The following KCNQ1 variants were observed in gnomAD, a reference collection of about 807,000 sequenced individuals.
KCNQ1 encodes the protein potassium voltage-gated channel subfamily Q member 1.
KCNQ1 carries 49 observed loss-of-function variants against 72.4 expected under a neutral mutation model. The observed-to-expected ratio is 0.68, with a 90% CI of 0.54 to 0.86. The LOEUF is 0.86. Among genes scored for constraint, KCNQ1 ranks in the 40% least tolerant of loss-of-function variants. KCNQ1 has a pLI of 0.00. For missense variants in KCNQ1, 790 were observed against 945.1 expected (o/e 0.84, Z 2.15); for synonymous variants, 450 against 412.6 (o/e 1.09, Z -1.10).
Position 2,445,192 on chromosome 11 carries a change from A to G in KCNQ1, c.94A>G (p.Lys32Glu). ...CCGGCGGGGCAGCGCGGGCCTGGCC[A>G]AGAAGTGCCCCTTCTCGCTGGAGCT... Reference protein sequence around the residue: ...GARRGSAGLAKKCPFSLELAE... With the variant: ...GARRGSAGLAEKCPFSLELAE... The change falls in exon 1 of 16, where the codon AAG becomes GAG. Residue 32 changes from lysine (K) to glutamate (E), a missense_variant. This residue lies in a region of KCNQ1 where 294 missense variants were observed against 323.3 expected (regional missense o/e 0.91). Coordinates refer to ENST00000155840, the MANE Select transcript of KCNQ1 (RefSeq NM_000218.3). 8.7e-7 allele frequency: 1 copy of G among 1,148,850 alleles called. No homozygotes were observed. Among genetic ancestry groups the G allele is most frequent in the Non-Finnish European group, 1.1e-6 (1 of 930,098 alleles). 71.2% of individuals were successfully genotyped at this position (1,148,850 alleles called of 1,614,324 possible).
In KCNQ1 at chr11:2,783,519, C is replaced by T. The variant is rs1222564860; in HGVS notation, c.1794+5482C>T. Among the ~76,000 whole-genome samples the T allele has an allele frequency of 6.6e-6, 1 of 152,044 alleles. No individual in the cohort carries two copies. Among genetic ancestry groups the T allele is most frequent in the East Asian group, 1.9e-4 (1 of 5,198 alleles). On this transcript the variant is annotated intron_variant, in intron 15 of 15. Transcript: ENST00000155840. The surrounding 1 kb of genome is among the most constrained non-coding windows in gnomAD (Gnocchi z 5.2). ...ATTCTCATTGGAATGTTTTTATCTGCTTGATCTATTATTACTGAGAAGGCA... is the reference window on the plus strand; with the variant it reads ...ATTCTCATTGGAATGTTTTTATCTGTTTGATCTATTATTACTGAGAAGGCA...
At chr11:2,527,202 C>G (rs964950879) in intron 1 of KCNQ1, among the ~76,000 whole-genome samples, 3 of 152,124 alleles carry the variant, frequency 2.0e-5, no homozygotes, top group Non-Finnish European at 4.4e-5. Flanking sequence ...GGCTCGGCCT[C>G]GGGGCCTTGG....
chr11:2,679,800 A>G lies in KCNQ1; in HGVS notation c.1514+17719A>G, dbSNP rs1224576086. 2.5e-6 allele frequency: 1 copy of G among 398,532 alleles called. No individual in the cohort carries two copies. The highest frequency in any genetic ancestry group is 4.4e-6 in the Non-Finnish European group (1 of 226,074). The allele number at this position is 398,532 out of a possible 1,614,324, so 24.7% of individuals were successfully genotyped here. A position where few individuals can be genotyped will look rare whatever the true frequency, so the allele number is the denominator to read the frequency against. On this transcript the variant is annotated intron_variant, in intron 11 of 15. Transcript: ENST00000155840. This position sits in a 1 kb window ranked among gnomAD's most constrained non-coding sequence, Gnocchi z 4.8. ...GCCTGTTAGGCCAGTTGAGGGCTAG[A>G]GGAGCACAAGGGGCCAGACTGCTGC...
chr11:2,630,790 C>G (rs552703091), intron 10 of KCNQ1: 2 of 398,458 alleles, frequency 5.0e-6, no homozygotes, highest in South Asian at 2.5e-4. Context: ...ACTCCTTCAA[C>G]TTTTGTTTAC....
intron 10 of KCNQ1, among the ~76,000 whole-genome samples, chr11:2,597,393 A>G (rs138093103): frequency 4.6e-4 from 70 of 152,322 alleles, no homozygotes; most frequent in African/African-American, 1.5e-3. Flanking sequence ...GATTTCTGCA[A>G]TTGTTAAATA....
At position 2,843,347 on chromosome 11, in the gene KCNQ1, CG is replaced by C. The variant is rs770611369; in HGVS notation, c.1795-4419del. Among the ~76,000 whole-genome samples the C allele has an allele frequency of 3.6e-4, 55 of 152,336 alleles. No homozygotes were observed. In the East Asian group the frequency reaches 8.1e-3, roughly 22 times the overall value. On this transcript the variant is annotated intron_variant, in intron 15 of 15. Transcript: ENST00000155840. Reference sequence around the variant, plus strand: ...GCCTGGTATGAAACATTCTAGGTACCGCCCTGAGAGTGGCTTAGTAACTGCT... The same window carrying C: ...GCCTGGTATGAAACATTCTAGGTACCCCCTGAGAGTGGCTTAGTAACTGCT...
intron 11 of KCNQ1, chr11:2,662,688 G>T: frequency 2.5e-6 from 1 of 403,380 alleles, no homozygotes; most frequent in East Asian, 3.5e-5. Context: ...GTGCCCAGCG[G>T]TGACAGCCGT....
chr11:2,546,202 TC>T (rs1389259328), intron 2 of KCNQ1, among the ~76,000 whole-genome samples: 2 of 152,210 alleles, frequency 1.3e-5, no homozygotes, highest in African/African-American at 4.8e-5. Context: ...TAACTTCTTC[TC>T]TGGTGTATGC....
rs2133657041 is a variant in KCNQ1, at chr11:2,508,261, G to A, written c.387-19667G>A. On this transcript the variant is annotated intron_variant, in intron 1 of 15. Coordinates refer to ENST00000155840, the MANE Select transcript of KCNQ1 (RefSeq NM_000218.3). The surrounding 1 kb of genome is among the most constrained non-coding windows in gnomAD (Gnocchi z 6.2). ...GGTCACCAAGGGTCTTTGGGCTCCTGTGGGGACCATACTGGCTTGTCTGAC... is the reference window on the plus strand; with the variant it reads ...GGTCACCAAGGGTCTTTGGGCTCCTATGGGGACCATACTGGCTTGTCTGAC... Among the ~76,000 whole-genome samples the A allele has an allele frequency of 6.6e-6, 1 of 152,356 alleles. No homozygotes were observed. Among genetic ancestry groups the A allele is most frequent in the African/African-American group, 2.4e-5 (1 of 41,588 alleles).
intron 2 of KCNQ1, among the ~76,000 whole-genome samples, chr11:2,560,903 G>A (rs1329173038): frequency 6.6e-6 from 1 of 152,094 alleles, no homozygotes; most frequent in African/African-American, 2.4e-5. Context: ...GGAGAGTGAG[G>A]CTGCGCGGTG....
chr11:2,651,799 T>C lies in KCNQ1; in HGVS notation c.1394-10162T>C. 1 of 398,476 alleles carries C rather than the reference T, an allele frequency of 2.5e-6. No individual in the cohort carries two copies. The highest frequency in any genetic ancestry group is 4.4e-6 in the Non-Finnish European group (1 of 226,056). The allele number at this position is 398,476 out of a possible 1,614,324, so 24.7% of individuals were successfully genotyped here. A position where few individuals can be genotyped will look rare whatever the true frequency, so the allele number is the denominator to read the frequency against. On this transcript the variant is annotated intron_variant, in intron 10 of 15. Transcript: ENST00000155840. This position sits in a 1 kb window ranked among gnomAD's most constrained non-coding sequence, Gnocchi z 6.1. ...TTTTGATTCCTGGGCCCCTTAAGAG[T>C]CCATTAGCATTGGAATGGAGCCCAC...
At chr11:2,811,071 C>T (rs962130696) in intron 15 of KCNQ1, among the ~76,000 whole-genome samples, 31 of 152,216 alleles carry the variant, frequency 2.0e-4, no homozygotes, top group African/African-American at 6.0e-4. Context: ...CTTACAGCCC[C>T]GGCGAGACCC....
chr11:2,771,715 A>G (rs545687665), intron 12 of KCNQ1: 2 of 152,298 alleles, frequency 1.3e-5, no homozygotes, highest in African/African-American at 4.8e-5. Flanking sequence ...AACAAATACA[A>G]AAAGAGAGAG....
chr11:2,737,523 A>G lies in KCNQ1; in HGVS notation c.1515-31321A>G, dbSNP rs991075679. 2.0e-5 allele frequency among the ~76,000 whole-genome samples: 3 copies of G among 152,370 alleles called. No homozygotes were observed. The South Asian group carries it at 6.2e-4, about 32-fold the overall frequency. On this transcript the variant is annotated intron_variant, in intron 11 of 15. Transcript: ENST00000155840. ...ATTCTTGTGTTTTAAAAATCAGTATATTAGCTTAATTTTATAGATTTCAGA... is the reference window on the plus strand; with the variant it reads ...ATTCTTGTGTTTTAAAAATCAGTATGTTAGCTTAATTTTATAGATTTCAGA...
intron 11 of KCNQ1, chr11:2,692,338 T>C: frequency 2.5e-6 from 1 of 398,878 alleles, no homozygotes; most frequent in Non-Finnish European, 4.4e-6. Flanking sequence ...GGCCACCATT[T>C]CTCTGTACTG....
chr11:2,558,744 T>C (rs559770969), intron 2 of KCNQ1, among the ~76,000 whole-genome samples: 1 of 152,200 alleles, frequency 6.6e-6, no homozygotes, highest in South Asian at 2.1e-4. Flanking sequence ...GCACCGGCAG[T>C]ACATGTGAAA....
Position 2,570,747 on chromosome 11 carries a change from C to G in KCNQ1, c.597C>G (p.Ser199=), listed in dbSNP as rs149240750. The change falls in exon 3 of 16, where the codon TCC becomes TCG. Residue 199 remains serine, a synonymous_variant. Transcript: ENST00000155840. ...GRLRFARKPI[S]IIDLIVVVAS... is the part of the protein sequence containing the mutation. ...TGCGCTTTGCCCGGAAGCCCATTTC[C>G]ATCATCGGTGAGTCATGCCTGCCCT... 6.2e-7 allele frequency: 1 copy of G among 1,611,098 alleles called. No homozygotes were observed. Among genetic ancestry groups the G allele is most frequent in the African/African-American group, 1.3e-5 (1 of 75,054 alleles).
Position 2,601,312 on chromosome 11 carries a change from T to A in KCNQ1, c.1393+12458T>A, listed in dbSNP as rs555851855. On this transcript the variant is annotated intron_variant, in intron 10 of 15. Coordinates refer to ENST00000155840, the MANE Select transcript of KCNQ1 (RefSeq NM_000218.3). This position sits in a 1 kb window ranked among gnomAD's most constrained non-coding sequence, Gnocchi z 5.2. Reference sequence around the variant, plus strand: ...CGTGCCTAGTGCCCAATTGTGTATCTTCTTTAGTGAAATATTTATTCAGAT... The same window carrying A: ...CGTGCCTAGTGCCCAATTGTGTATCATCTTTAGTGAAATATTTATTCAGAT... 2.0e-5 allele frequency among the ~76,000 whole-genome samples: 3 copies of A among 152,356 alleles called. No homozygotes were observed. The highest frequency in any genetic ancestry group is 3.9e-4 in the East Asian group (2 of 5,194).
chr11:2,658,470 A>G lies in KCNQ1; in HGVS notation c.1394-3491A>G, dbSNP rs1402535410. ...GTGTCCTTTTGATGTGCCCCCCGCCATCCTTTTCATTTATTTTTAAGCATT... is the reference window on the plus strand; with the variant it reads ...GTGTCCTTTTGATGTGCCCCCCGCCGTCCTTTTCATTTATTTTTAAGCATT... On this transcript the variant is annotated intron_variant, in intron 10 of 15. Coordinates refer to ENST00000155840, the MANE Select transcript of KCNQ1 (RefSeq NM_000218.3). The surrounding 1 kb of genome is among the most constrained non-coding windows in gnomAD (Gnocchi z 4.9). 7.5e-6 allele frequency: 3 copies of G among 398,366 alleles called. No individual in the cohort carries two copies. The highest frequency in any genetic ancestry group is 6.2e-5 in the African/African-American group (3 of 48,574). 24.7% of individuals were successfully genotyped at this position (398,366 alleles called of 1,614,324 possible). A position where few individuals can be genotyped will look rare whatever the true frequency, so the allele number is the denominator to read the frequency against.
Sources: gnomAD v4.1 joint callset for allele counts (sites outside exome capture counted in the v4.1 genomes callset) on GRCh38, gnomAD v4.1.1 for gene constraint, gnomAD v4.1.1 regional missense constraint, Gnocchi (gnomAD v3.1) non-coding constraint, MANE v1.5 for transcripts, NCBI Gene and HGNC (gene_info 2026-07-23, HGNC 2026-07-21) for gene names.